The following ADGRB3 variants were observed in gnomAD, a reference collection of about 807,000 sequenced individuals.
ADGRB3 encodes adhesion G protein-coupled receptor B3.
In ADGRB3, 37 loss-of-function variants were observed where a neutral mutation model predicts 193.4. The observed-to-expected ratio is 0.19, with a 90% CI of 0.15 to 0.25. The LOEUF is 0.25. Ranked by LOEUF, ADGRB3 falls within the 10% of genes least tolerant of loss-of-function variation. ADGRB3 has a pLI of 1.00. For synonymous variants in ADGRB3, 690 were observed against 644.2 expected (o/e 1.07, Z -1.08); for missense variants, 1,637 against 1,852.9 (o/e 0.88, Z 2.14).
intron 3 of ADGRB3, among the ~76,000 whole-genome samples, chr6:68,859,643 C>A (rs1765094972): frequency 6.6e-6 from 1 of 152,124 alleles, no homozygotes; most frequent in African/African-American, 2.4e-5. Context: ...ATAAAACCTT[C>A]AGATCTTGTG....
intron 17 of ADGRB3, among the ~76,000 whole-genome samples, chr6:69,232,121 T>C (rs1766153111): frequency 6.6e-6 from 1 of 152,222 alleles, no homozygotes; most frequent in Non-Finnish European, 1.5e-5. Context: ...TTAACACAGA[T>C]AGTAACTTGG....
At chr6:69,238,076 G>C (rs917919683) in intron 19 of ADGRB3, among the ~76,000 whole-genome samples, 1 of 151,998 alleles carries the variant, frequency 6.6e-6, no homozygotes, top group Admixed American at 6.6e-5. Context: ...GTTCTACCTT[G>C]ATTGTCCTCA....
chr6:68,953,614 G>A (rs1299574817), intron 6 of ADGRB3, among the ~76,000 whole-genome samples: 1 of 152,086 alleles, frequency 6.6e-6, no homozygotes, highest in Non-Finnish European at 1.5e-5. Context: ...TTTTAGTCTG[G>A]AAAATAGACT....
chr6:69,232,534 G>A (rs1341517847), intron 17 of ADGRB3: 2 of 1,535,700 alleles, frequency 1.3e-6, no homozygotes, highest in Non-Finnish European at 1.7e-6. Flanking sequence ...TTAGCTTAAT[G>A]CTTCTGCCCC....
chr6:68,886,994 A>G (rs998132820), intron 3 of ADGRB3, among the ~76,000 whole-genome samples: 1 of 151,752 alleles, frequency 6.6e-6, no homozygotes, highest in Admixed American at 6.6e-5. Flanking sequence ...TATAAATACA[A>G]TTATCTAATA....
At chr6:69,257,868 G>C (rs113281407) in intron 20 of ADGRB3, among the ~76,000 whole-genome samples, 2,685 of 152,180 alleles carry the variant, frequency 0.018, 40 homozygotes, top group Non-Finnish European at 0.026. Flanking sequence ...GATTCTTCAG[G>C]GTATCATGCA....
rs868637797 is a variant in ADGRB3 at position 68,967,862 on chromosome 6, G to A, written c.1526-6901G>A. 1.8e-4 allele frequency among the ~76,000 whole-genome samples: 28 copies of A among 152,122 alleles called. 1 individual carries two copies. Among genetic ancestry groups the A allele is most frequent in the African/African-American group, 6.5e-4 (27 of 41,518 alleles). Reference sequence around the variant, plus strand: ...TGAGGTTTGAGAAAAGATTGAAGGCGGGAAAGACATGAGTCATGCAGACAT... The same window carrying A: ...TGAGGTTTGAGAAAAGATTGAAGGCAGGAAAGACATGAGTCATGCAGACAT... On this transcript the variant is annotated intron_variant, in intron 8 of 31. Transcript: ENST00000370598.
chr6:68,749,109 G>C (rs1341721309), intron 3 of ADGRB3, among the ~76,000 whole-genome samples: 1 of 152,000 alleles, frequency 6.6e-6, no homozygotes, highest in Non-Finnish European at 1.5e-5. Flanking sequence ...TGGGCCTCTT[G>C]GTCTATGATG....
intron 6 of ADGRB3, 121 bp from the exon 7 acceptor site, chr6:68,955,903 T>G: frequency 1.1e-6 from 1 of 881,030 alleles, no homozygotes; most frequent in Non-Finnish European, 1.7e-6. Context: ...GACCTTCCAT[T>G]GTATTCATTC....
intron 3 of ADGRB3, among the ~76,000 whole-genome samples, chr6:68,730,779 A>T (rs1297824876): frequency 1.3e-5 from 2 of 151,672 alleles, no homozygotes; most frequent in African/African-American, 4.8e-5. Context: ...TTTAAATGAG[A>T]CTTTTAAATT....
intron 17 of ADGRB3, among the ~76,000 whole-genome samples, chr6:69,184,492 G>T (rs55943615): frequency 0.14 from 21,484 of 151,992 alleles, 1,576 homozygotes; most frequent in Middle Eastern, 0.16. Flanking sequence ...CATGTACCTT[G>T]GTTGTACATG....
intron 17 of ADGRB3, among the ~76,000 whole-genome samples, chr6:69,106,698 A>G (rs1025981806): frequency 2.0e-5 from 3 of 152,224 alleles, no homozygotes; most frequent in African/African-American, 7.2e-5. Flanking sequence ...ACTTGTGTAA[A>G]GGACTGAGCT....
At chr6:69,379,904 T>G (rs1467737133) in intron 30 of ADGRB3, among the ~76,000 whole-genome samples, 1 of 152,018 alleles carries the variant, frequency 6.6e-6, no homozygotes, top group African/African-American at 2.4e-5. Context: ...TCCATATTCA[T>G]TTCAGCGTCC....
chr6:69,373,973 A>C (rs1409444535), intron 30 of ADGRB3, among the ~76,000 whole-genome samples: 1 of 152,110 alleles, frequency 6.6e-6, no homozygotes, highest in Non-Finnish European at 1.5e-5. Context: ...GGCAACTGGT[A>C]GCAGATTCCT....
At chr6:68,846,286 C>A (rs188080763) in intron 3 of ADGRB3, among the ~76,000 whole-genome samples, 2 of 152,230 alleles carry the variant, frequency 1.3e-5, no homozygotes, top group African/African-American at 4.8e-5. Context: ...GGAAAATTTG[C>A]ATCCTATGTG....
intron 5 of ADGRB3, among the ~76,000 whole-genome samples, chr6:68,941,042 A>G (rs1767628899): frequency 6.6e-6 from 1 of 152,214 alleles, no homozygotes; most frequent in Non-Finnish European, 1.5e-5. Context: ...TCACAAAAAG[A>G]CATATAATAA....
At chr6:69,280,437 G>A (rs547451768) in intron 20 of ADGRB3, among the ~76,000 whole-genome samples, 3 of 152,256 alleles carry the variant, frequency 2.0e-5, no homozygotes, top group Admixed American at 6.5e-5. Context: ...TAAGACTGCC[G>A]AGTTTTGAAT....
At chr6:69,156,940 G>C (rs1774857373) in intron 17 of ADGRB3, among the ~76,000 whole-genome samples, 1 of 152,156 alleles carries the variant, frequency 6.6e-6, no homozygotes, top group African/African-American at 2.4e-5. Flanking sequence ...ACTATTCCCA[G>C]TATAATTAGC....
intron 17 of ADGRB3, among the ~76,000 whole-genome samples, chr6:69,106,566 T>G (rs1773222238): frequency 6.6e-6 from 1 of 152,226 alleles, no homozygotes; most frequent in African/African-American, 2.4e-5. Context: ...CCAACTTATT[T>G]CAATTACCAT....
Sources: gnomAD v4.1 joint callset for allele counts (sites outside exome capture counted in the v4.1 genomes callset) on GRCh38, gnomAD v4.1.1 for gene constraint, MANE v1.5 for transcripts, NCBI Gene and HGNC (gene_info 2026-07-23, HGNC 2026-07-21) for gene names.